The following CACNA1B variants were observed in gnomAD, a reference collection of about 807,000 sequenced individuals.
CACNA1B encodes the protein calcium voltage-gated channel subunit alpha1 B.
A neutral mutation model predicts 247.2 loss-of-function variants in CACNA1B; 70 were observed. The ratio of observed to expected loss-of-function variants is 0.28; its 90% CI spans 0.23 to 0.35. The LOEUF (loss-of-function observed/expected upper bound fraction) is 0.35. CACNA1B is among the 10% of genes least tolerant of loss of function. The pLI, the probability that CACNA1B is intolerant of heterozygous loss-of-function variation, is 1.00. For synonymous variants in CACNA1B, 1,231 were observed against 1,294.4 expected (o/e 0.95, Z 1.05); for missense variants, 2,367 against 3,197.4 (o/e 0.74, Z 6.26).
intron 20 of CACNA1B, among the ~76,000 whole-genome samples, chr9:138,043,248 C>A (rs1167631815): frequency 2.0e-5 from 3 of 152,108 alleles, no homozygotes; most frequent in Admixed American, 2.0e-4. Context: ...GAGGCTGGGT[C>A]CCCCTGGGAA....
chr9:138,122,022 C>CCTG lies in CACNA1B; in HGVS notation c.*25_*27dup. ...TAGCTGCACCGTGACCGCTCAGACG[C>CCTG]CTGCATGCAGCAGGCGTGTGTTCCA... On this transcript the variant is annotated 3_prime_UTR_variant, in exon 47 of 47. Coordinates refer to ENST00000371372, the MANE Select transcript of CACNA1B (RefSeq NM_000718.4). The CCTG allele has an allele frequency of 2.5e-6, 4 of 1,578,288 alleles. No homozygotes were observed. The highest frequency in any genetic ancestry group is 3.4e-6 in the Non-Finnish European group (4 of 1,166,716).
In CACNA1B at chr9:138,120,383, A is replaced by G; in HGVS notation, c.6238+11A>G. On this transcript the variant is annotated intron_variant, in intron 45 of 46. Coordinates refer to ENST00000371372, the MANE Select transcript of CACNA1B (RefSeq NM_000718.4). Reference sequence around the variant, plus strand: ...CCGATATGGATGGCGGTGCGTGCGGAGGGGCCCGGGGAGTCCTTCGGGGAG... The same window carrying G: ...CCGATATGGATGGCGGTGCGTGCGGGGGGGCCCGGGGAGTCCTTCGGGGAG... 1 of 1,540,288 alleles carries G rather than the reference A, an allele frequency of 6.5e-7. No individual in the cohort carries two copies. Among genetic ancestry groups the G allele is most frequent in the Non-Finnish European group, 8.7e-7 (1 of 1,148,712 alleles).
intron 43 of CACNA1B, among the ~76,000 whole-genome samples, 164 bp from the exon 44 acceptor site, chr9:138,118,488 G>T (rs951963102): frequency 9.0e-6 from 1 of 110,794 alleles, no homozygotes; most frequent in South Asian, 3.4e-4. Flanking sequence ...GGGATGGGGG[G>T]TGTGTGAGAC....
intron 3 of CACNA1B, chr9:137,892,505 C>CT (rs1460567406): frequency 5.2e-6 from 2 of 382,570 alleles, no homozygotes; most frequent in African/African-American, 4.2e-5. Flanking sequence ...CCCCTTTCCT[C>CT]TGACTGTGGG....
At chr9:138,087,587 C>T (rs758065551) in intron 36 of CACNA1B, among the ~76,000 whole-genome samples, 63 of 150,052 alleles carry the variant, frequency 4.2e-4, no homozygotes, top group South Asian at 6.3e-4. Flanking sequence ...TGGTAGCACG[C>T]GCCTGTAGTC....
At chr9:137,972,374 G>T (rs12352971) in intron 11 of CACNA1B, among the ~76,000 whole-genome samples, 48,428 of 152,142 alleles carry the variant, frequency 0.32, 11,005 homozygotes, top group African/African-American at 0.64. Context: ...TGTCTACAGC[G>T]GATCTGGAGA....
At chr9:137,907,759 T>C (rs1471417008) in intron 3 of CACNA1B, among the ~76,000 whole-genome samples, 1 of 152,232 alleles carries the variant, frequency 6.6e-6, no homozygotes, top group Non-Finnish European at 1.5e-5. Flanking sequence ...ACTTTAGTCT[T>C]AAGTCATCCT....
At position 138,118,775 on chromosome 9, in the gene CACNA1B, G is replaced by T; in HGVS notation, c.6030+7G>T. 7.5e-7 allele frequency: 1 copy of T among 1,333,222 alleles called. No individual in the cohort carries two copies. Among genetic ancestry groups the T allele is most frequent in the Non-Finnish European group, 1.0e-6 (1 of 960,066 alleles). 82.6% of individuals were successfully genotyped at this position (1,333,222 alleles called of 1,614,324 possible). ...CCTTGCGGCCGAGACTCAGGTAGGTGGTCTGGGAGGGTCCAGGCCCTGGGC... is the reference window on the plus strand; with the variant it reads ...CCTTGCGGCCGAGACTCAGGTAGGTTGTCTGGGAGGGTCCAGGCCCTGGGC... On this transcript the variant is annotated splice_region_variant and intron_variant, in intron 44 of 46. Transcript: ENST00000371372.
At chr9:137,945,977 C>T (rs903356586) in intron 6 of CACNA1B, among the ~76,000 whole-genome samples, 26 of 152,186 alleles carry the variant, frequency 1.7e-4, no homozygotes, top group Admixed American at 6.5e-4. Flanking sequence ...CATCACTGTG[C>T]CTGGCTAATT....
chr9:137,970,767 G>C (rs1269323437), intron 10 of CACNA1B, among the ~76,000 whole-genome samples: 1 of 152,206 alleles, frequency 6.6e-6, no homozygotes, highest in Non-Finnish European at 1.5e-5. Context: ...ATGGGAAAAG[G>C]CTGCTGGGTT....
chr9:138,009,987 C>G, intron 16 of CACNA1B, 23 bp from the exon 17 acceptor site: 1 of 1,605,740 alleles, frequency 6.2e-7, no homozygotes, highest in Non-Finnish European at 8.5e-7. Flanking sequence ...CAGAGGTTCC[C>G]TTCCTCAGCT....
rs1720380831 is a variant in CACNA1B, at chr9:137,952,566, C to T, written c.1070+189C>T. Among the ~76,000 whole-genome samples, 1 of 152,168 alleles carries T rather than the reference C, an allele frequency of 6.6e-6. No individual in the cohort carries two copies. The highest frequency in any genetic ancestry group is 6.5e-5 in the Admixed American group (1 of 15,288). ...ATCCTGACCTGTCCTTGATCAGCCT[C>T]TCGGCCCCTTATCCCTGTCATACCC... On this transcript the variant is annotated intron_variant, in intron 7 of 46. Coordinates refer to ENST00000371372, the MANE Select transcript of CACNA1B (RefSeq NM_000718.4). This position sits in a 1 kb window ranked among gnomAD's most constrained non-coding sequence, Gnocchi z 4.8.
chr9:138,054,164 AGAAGG>A lies in CACNA1B; in HGVS notation c.3968+160_3968+164del, dbSNP rs916422078. The stretch of plus-strand genomic sequence containing the variant: ...TGAGGGCCGAGGAGGGGCTTGCTTG[AGAAGG>A]GCTAGAGTCACCACAGAAGACAGGA... On this transcript the variant is annotated intron_variant, in intron 26 of 46. Coordinates refer to ENST00000371372, the MANE Select transcript of CACNA1B (RefSeq NM_000718.4). The surrounding 1 kb of genome is among the most constrained non-coding windows in gnomAD (Gnocchi z 4.6). Among the ~76,000 whole-genome samples, 10 of 152,124 alleles carry A rather than the reference AGAAGG, an allele frequency of 6.6e-5. No homozygotes were observed. Among genetic ancestry groups the A allele is most frequent in the Non-Finnish European group, 1.2e-4 (8 of 68,004 alleles).
rs112623068 is a variant in CACNA1B, at chr9:138,020,221, G to A, written c.2268-2790G>A. ...AGACCTCAAAGCAGGGCCACAGAGC[G>A]CCTTGAGGCCACTTCCAAGTCCTGT... On this transcript the variant is annotated intron_variant, in intron 18 of 46. Coordinates refer to ENST00000371372, the MANE Select transcript of CACNA1B (RefSeq NM_000718.4). This position sits in a 1 kb window ranked among gnomAD's most constrained non-coding sequence, Gnocchi z 4.1. Among the ~76,000 whole-genome samples the A allele has an allele frequency of 4.5e-3, 678 of 152,050 alleles. 5 individuals carry two copies. The highest frequency in any genetic ancestry group is 0.015 in the African/African-American group (632 of 41,472).
intron 11 of CACNA1B, among the ~76,000 whole-genome samples, chr9:137,972,931 C>T (rs1958172679): frequency 6.6e-6 from 1 of 152,178 alleles, no homozygotes; most frequent in Non-Finnish European, 1.5e-5. Flanking sequence ...AGGGTGGTAC[C>T]TCGGGACTTT....
chr9:137,948,772 C>T (rs937002969), intron 6 of CACNA1B, among the ~76,000 whole-genome samples: 14 of 131,062 alleles, frequency 1.1e-4, no homozygotes, highest in Non-Finnish European at 2.3e-4. Context: ...GTATCTGGTG[C>T]ATGTGGTATG....
intron 18 of CACNA1B, among the ~76,000 whole-genome samples, chr9:138,016,169 C>G (rs1958789956): frequency 6.6e-6 from 1 of 152,180 alleles, no homozygotes; most frequent in African/African-American, 2.4e-5. Context: ...CATTCACACA[C>G]AGTCTCACAC....
chr9:138,096,414 G>A, intron 36 of CACNA1B, 70 bp from the exon 37 acceptor site: 1 of 1,363,958 alleles, frequency 7.3e-7, no homozygotes, highest in South Asian at 1.2e-5. Flanking sequence ...ACACTGGAGA[G>A]TGGTGGGGGG....
intron 45 of CACNA1B, 89 bp from the exon 46 acceptor site, chr9:138,120,542 C>A: frequency 7.0e-7 from 1 of 1,421,110 alleles, no homozygotes; most frequent in Non-Finnish European, 9.3e-7. Context: ...CCTCCCCTGG[C>A]ACCACCTGAA....
Sources: gnomAD v4.1 joint callset for allele counts (sites outside exome capture counted in the v4.1 genomes callset) on GRCh38, gnomAD v4.1.1 for gene constraint, Gnocchi (gnomAD v3.1) non-coding constraint, MANE v1.5 for transcripts, NCBI Gene and HGNC (gene_info 2026-07-23, HGNC 2026-07-21) for gene names.